The following ROBO3 variants were observed in gnomAD, a reference collection of about 807,000 sequenced individuals.
ROBO3 encodes roundabout homolog 3.
In ROBO3, 97 loss-of-function variants were observed where a neutral mutation model predicts 160.5. The ratio of observed to expected loss-of-function variants is 0.60; its 90% CI spans 0.51 to 0.72. The LOEUF is 0.72. Among genes scored for constraint, ROBO3 ranks in the 30% least tolerant of loss-of-function variants. ROBO3 has a pLI of 0.00. For missense variants in ROBO3, 1,858 were observed against 1,846.5 expected, an observed-to-expected ratio of 1.01 and a Z score of -0.11; for synonymous variants, 780 against 746.2, an observed-to-expected ratio of 1.05 and a Z score of -0.74.
Position 124,873,210 on chromosome 11 carries a change from C to A in ROBO3, c.1537-100C>A. ...TTACCCCTCTGTTCTCTCAGAGCAC[C>A]TAGTATCCAACATCTTCCCATCCTT... On this transcript the variant is annotated intron_variant, in intron 9 of 27. Transcript: ENST00000397801. This position sits in a 1 kb window ranked among gnomAD's most constrained non-coding sequence, Gnocchi z 4.5. 1 of 1,395,524 alleles carries A rather than the reference C, an allele frequency of 7.2e-7. No individual in the cohort carries two copies. Among genetic ancestry groups the A allele is most frequent in the Admixed American group, 1.9e-5 (1 of 51,654 alleles). The allele number at this position is 1,395,524 out of a possible 1,614,324, so 86.4% of individuals were successfully genotyped here.
Position 124,869,480 on chromosome 11 carries a change from G to C in ROBO3, c.518G>C (p.Gly173Ala), listed in dbSNP as rs2135325470. Residue 173 changes from glycine to alanine, a missense_variant, in exon 3 of 28, where the codon GGA becomes GCA. Physicochemically the swap from Gly to Ala is moderately conservative, Grantham distance 60 (BLOSUM62 0). Coordinates refer to ENST00000397801, the MANE Select transcript of ROBO3 (RefSeq NM_022370.4). The surrounding 1 kb of genome is among the most constrained non-coding windows in gnomAD (Gnocchi z 4.2). ...VLRDDFRQSPGNVVVAVGEPA... is the reference protein window; with the variant it reads ...VLRDDFRQSPANVVVAVGEPA... ...CGTGATGATTTCCGGCAGTCTCCTG[G>C]AAACGTGGTGGTGGCAGTGGGGGAG... 6.4e-7 allele frequency: 1 copy of C among 1,554,066 alleles called. No homozygotes were observed. The highest frequency in any genetic ancestry group is 8.7e-7 in the Non-Finnish European group (1 of 1,149,886).
Position 124,869,989 on chromosome 11 carries a change from C to A in ROBO3, c.687C>A (p.Ser229Arg). Residue 229 changes from serine (S) to arginine (R), a missense_variant, in exon 4 of 28, where the codon AGC (serine) becomes AGA (arginine). By Grantham distance (110) the Ser-to-Arg change is moderately radical (BLOSUM62 -1). Coordinates refer to ENST00000397801, the MANE Select transcript of ROBO3 (RefSeq NM_022370.4). This position sits in a 1 kb window ranked among gnomAD's most constrained non-coding sequence, Gnocchi z 4.2. ...TGATGATGTCACATACACTCAAGAG[C>A]GATGCAGGCATGTATGTGTGCGTAG... Reference protein sequence around the residue: ...GKLMMSHTLKSDAGMYVCVAS... With the variant: ...GKLMMSHTLKRDAGMYVCVAS... 1.9e-6 allele frequency: 3 copies of A among 1,613,500 alleles called. No homozygotes were observed. The highest frequency in any genetic ancestry group is 2.5e-6 in the Non-Finnish European group (3 of 1,179,634).
chr11:124,873,088 A>G lies in ROBO3; in HGVS notation c.1535A>G (p.Gln512Arg). ...ANGTLYIANV[Q>R]EMDMGFYSCV... is the part of the protein sequence containing the mutation. The stretch of plus-strand genomic sequence containing the variant: ...GGTACCCTGTACATCGCCAATGTGC[A>G]GGTGAGTGTCACCCCTGGGGCCCTA... The change falls in exon 9 of 28, where the codon CAG becomes CGG. Residue 512 changes from glutamine to arginine, a missense_variant and splice_region_variant. Coordinates refer to ENST00000397801, the MANE Select transcript of ROBO3 (RefSeq NM_022370.4). This position sits in a 1 kb window ranked among gnomAD's most constrained non-coding sequence, Gnocchi z 4.5. The G allele has an allele frequency of 6.2e-7, 1 of 1,612,920 alleles. No individual in the cohort carries two copies. The highest frequency in any genetic ancestry group is 8.5e-7 in the Non-Finnish European group (1 of 1,179,278).
Position 124,874,901 on chromosome 11 carries a change from T to A in ROBO3, c.2065T>A (p.Ser689Thr), listed in dbSNP as rs768451533. ...IVLGPRTLQV[S>T]WTVDGPVQLV... ...CCTGGGACCCCGGACCCTGCAGGTG[T>A]CCTGGACTGTGAGTGTGGTATGGGG... Residue 689 changes from serine to threonine, a missense_variant, in exon 13 of 28, where the codon TCC (serine) becomes ACC (threonine). Transcript: ENST00000397801. 1 of 1,604,378 alleles carries A rather than the reference T, an allele frequency of 6.2e-7. No homozygotes were observed. The highest frequency in any genetic ancestry group is 8.5e-7 in the Non-Finnish European group (1 of 1,175,622).
chr11:124,877,878 T>G, intron 20 of ROBO3, 59 bp from the exon 21 acceptor site: 2 of 1,287,658 alleles, frequency 1.6e-6, no homozygotes, highest in Non-Finnish European at 2.2e-6. Context: ...TTGTCTTCCA[T>G]TCTGTTGTCC....
chr11:124,873,291 G>T lies in ROBO3; in HGVS notation c.1537-19G>T. 3 of 1,598,838 alleles carry T rather than the reference G, an allele frequency of 1.9e-6. No individual in the cohort carries two copies. Among genetic ancestry groups the T allele is most frequent in the Non-Finnish European group, 2.6e-6 (3 of 1,172,500 alleles). ...CTTGCTCCACTCTCAGTTTGCCAGTGCTCTGCCCTCTCTTCCAGGAGATGG... is the reference window on the plus strand; with the variant it reads ...CTTGCTCCACTCTCAGTTTGCCAGTTCTCTGCCCTCTCTTCCAGGAGATGG... On this transcript the variant is annotated intron_variant, in intron 9 of 27. Coordinates refer to ENST00000397801, the MANE Select transcript of ROBO3 (RefSeq NM_022370.4). This position sits in a 1 kb window ranked among gnomAD's most constrained non-coding sequence, Gnocchi z 4.5.
chr11:124,869,317 G>T lies in ROBO3; in HGVS notation c.488-133G>T. 1 of 1,114,162 alleles carries T rather than the reference G, an allele frequency of 9.0e-7. No homozygotes were observed. Among genetic ancestry groups the T allele is most frequent in the African/African-American group, 1.6e-5 (1 of 63,826 alleles). The allele number at this position is 1,114,162 out of a possible 1,614,324, so 69.0% of individuals were successfully genotyped here. A position where few individuals can be genotyped will look rare whatever the true frequency, so the allele number is the denominator to read the frequency against. ...AAGGAAGTGGATCTGACTCCAGGCT[G>T]ATATTTTCTCACCTGGGAACGAATT... On this transcript the variant is annotated intron_variant, in intron 2 of 27. Transcript: ENST00000397801. This position sits in a 1 kb window ranked among gnomAD's most constrained non-coding sequence, Gnocchi z 4.2.
At chr11:124,867,952 G>C (rs767091248) in intron 1 of ROBO3, among the ~76,000 whole-genome samples, 6 of 152,182 alleles carry the variant, frequency 3.9e-5, no homozygotes, top group Non-Finnish European at 5.9e-5. Context: ...AACAGGCTCC[G>C]GGATCCTAAC....
rs2135348565 is a variant in ROBO3, at chr11:124,879,891, G to A, written c.3901G>A (p.Glu1301Lys). Residue 1301 changes from glutamate (E) to lysine (K), a missense_variant, in exon 26 of 28, where the codon GAG (glutamate) becomes AAG (lysine). By Grantham distance (56) the Glu-to-Lys change is moderately conservative. Coordinates refer to ENST00000397801, the MANE Select transcript of ROBO3 (RefSeq NM_022370.4). ...CTCCCTGGAGCGGGAGCGCAGTGGGGAGAGGAAAGCGGTCCAGGCCGTGCC... is the reference window on the plus strand; with the variant it reads ...CTCCCTGGAGCGGGAGCGCAGTGGGAAGAGGAAAGCGGTCCAGGCCGTGCC... ...MSSLERERSG[E>K]RKAVQAVPLA... is the part of the protein sequence containing the mutation. 1.2e-6 allele frequency: 2 copies of A among 1,611,338 alleles called. No individual in the cohort carries two copies. Among genetic ancestry groups the A allele is most frequent in the East Asian group, 2.2e-5 (1 of 44,780 alleles).
Position 124,869,092 on chromosome 11 carries a change from G to C in ROBO3, c.451G>C (p.Ala151Pro). 1 of 1,580,426 alleles carries C rather than the reference G, an allele frequency of 6.3e-7. No homozygotes were observed. Among genetic ancestry groups the C allele is most frequent in the Non-Finnish European group, 8.6e-7 (1 of 1,163,132 alleles). ...YTCVARNYLG[A>P]AASRNASLEV... is the part of the protein sequence containing the mutation. ...TTGCGTGGCTCGCAACTACCTGGGG[G>C]CAGCAGCGAGCAGAAACGCCTCGCT... Residue 151 changes from alanine (A) to proline (P), a missense_variant, in exon 2 of 28, where the codon GCA becomes CCA. Ala to Pro is a conservative substitution (Grantham distance 27). Coordinates refer to ENST00000397801, the MANE Select transcript of ROBO3 (RefSeq NM_022370.4). This position sits in a 1 kb window ranked among gnomAD's most constrained non-coding sequence, Gnocchi z 4.2.
chr11:124,866,933 C>T (rs995391946), intron 1 of ROBO3, among the ~76,000 whole-genome samples: 1 of 152,144 alleles, frequency 6.6e-6, no homozygotes, highest in African/African-American at 2.4e-5. Flanking sequence ...CGCTGGCACC[C>T]CGCAGAGTCC....
rs751518750 is a variant in ROBO3 at position 124,865,656 on chromosome 11, A to G, written c.79A>G (p.Ser27Gly). The change falls in exon 1 of 28, where the codon AGC (serine) becomes GGC (glycine). Residue 27 changes from serine (S) to glycine (G), a missense_variant. Coordinates refer to ENST00000397801, the MANE Select transcript of ROBO3 (RefSeq NM_022370.4). This position sits in a 1 kb window ranked among gnomAD's most constrained non-coding sequence, Gnocchi z 5.5. ...TCTGGCCGGGGACATCTCCAACTCC[A>G]GCGAGCTGCTCTTGGGCTTCAACTC... The part of the protein sequence containing the change: ...DSLAGDISNS[S>G]ELLLGFNSSL... The G allele has an allele frequency of 1.2e-5, 19 of 1,612,724 alleles. No individual in the cohort carries two copies. Among genetic ancestry groups the G allele is most frequent in the Non-Finnish European group, 1.5e-5 (18 of 1,179,624 alleles).
intron 1 of ROBO3, among the ~76,000 whole-genome samples, chr11:124,868,068 C>T (rs760533084): frequency 6.6e-6 from 1 of 152,172 alleles, no homozygotes; most frequent in Non-Finnish European, 1.5e-5. Flanking sequence ...AGAGGAACAT[C>T]AATCAGTAGA....
At chr11:124,879,428 C>T in intron 24 of ROBO3, 37 bp from the exon 25 acceptor site, 1 of 1,610,138 alleles carries the variant, frequency 6.2e-7, no homozygotes, top group Non-Finnish European at 8.5e-7. Context: ...TGATTTTTGC[C>T]CTTACCCATT....
chr11:124,870,004 T>C lies in ROBO3; in HGVS notation c.702T>C (p.Tyr234=). 4.3e-6 allele frequency: 7 copies of C among 1,613,970 alleles called. No individual in the cohort carries two copies. Among genetic ancestry groups the C allele is most frequent in the East Asian group, 2.2e-5 (1 of 44,876 alleles). The change falls in exon 4 of 28, where the codon TAT becomes TAC. Residue 234 remains tyrosine (Y), a synonymous_variant. Transcript: ENST00000397801. Reference sequence around the variant, plus strand: ...CACTCAAGAGCGATGCAGGCATGTATGTGTGCGTAGCCTCCAACATGGCGG... The same window carrying C: ...CACTCAAGAGCGATGCAGGCATGTACGTGTGCGTAGCCTCCAACATGGCGG... ...SHTLKSDAGM[Y]VCVASNMAGE... is the part of the protein sequence containing the mutation.
In ROBO3 at chr11:124,868,831, CCCCG is replaced by C; in HGVS notation, c.192_195del (p.Arg65SerfsTer156). 6.2e-7 allele frequency: 1 copy of C among 1,609,826 alleles called. No individual in the cohort carries two copies. The highest frequency in any genetic ancestry group is 8.5e-7 in the Non-Finnish European group (1 of 1,178,608). On this transcript the variant is annotated frameshift_variant, in exon 2 of 28. Transcript: ENST00000397801. LOFTEE classifies it high-confidence loss of function. Reference sequence around the variant, plus strand: ...AAGGGTAGGACCGGAGGACGCTATGCCCCGCATCGTGGAGCAGCCGCCAGATCTG... The same window carrying C: ...AAGGGTAGGACCGGAGGACGCTATGCCATCGTGGAGCAGCCGCCAGATCTG...
chr11:124,870,951 C>A, intron 6 of ROBO3, 63 bp from the exon 7 acceptor site: 1 of 1,578,570 alleles, frequency 6.3e-7, no homozygotes, highest in South Asian at 1.1e-5. Flanking sequence ...CTCTCCTGTT[C>A]CTGCAGTCTC....
chr11:124,870,289 A>G lies in ROBO3; in HGVS notation c.891A>G (p.Glu297=), dbSNP rs1483549366. 1 of 1,613,748 alleles carries G rather than the reference A, an allele frequency of 6.2e-7. No homozygotes were observed. The highest frequency in any genetic ancestry group is 1.3e-5 in the African/African-American group (1 of 74,938). Residue 297 remains glutamate, a synonymous_variant, in exon 5 of 28, where the codon GAA becomes GAG. Coordinates refer to ENST00000397801, the MANE Select transcript of ROBO3 (RefSeq NM_022370.4). The part of the protein sequence containing the change: ...PRLRWRKEDG[E]LPTGRYEIRS... ...TACGCTGGCGCAAGGAGGATGGGGA[A>G]CTGCCCACAGGCAGGTGAGAGACCC... is the stretch of plus-strand genomic sequence containing the variant.
chr11:124,870,595 G>C lies in ROBO3; in HGVS notation c.906-6G>C, dbSNP rs1038731975. 6 of 1,613,740 alleles carry C rather than the reference G, an allele frequency of 3.7e-6. No individual in the cohort carries two copies. Among genetic ancestry groups the C allele is most frequent in the Non-Finnish European group, 5.1e-6 (6 of 1,179,852 alleles). ...CCAACCCAGCCTGGGGTGGGGAGTG[G>C]AGCAGGTATGAGATCCGGAGTGACC... On this transcript the variant is annotated splice_polypyrimidine_tract_variant and splice_region_variant and intron_variant, in intron 5 of 27. Coordinates refer to ENST00000397801, the MANE Select transcript of ROBO3 (RefSeq NM_022370.4).
Sources: allele counts gnomAD v4.1 joint callset (sites outside exome capture counted in the v4.1 genomes callset), GRCh38; gene constraint gnomAD v4.1.1; non-coding constraint Gnocchi (gnomAD v3.1); transcripts MANE v1.5; gene names NCBI Gene and HGNC (gene_info 2026-07-23, HGNC 2026-07-21).